AHCY: variants seen among roughly 807,000 people sequenced by gnomAD.
AHCY encodes adenosylhomocysteinase, also known as S-adenosyl-L-homocysteine hydrolase.
In AHCY, 24 loss-of-function variants were observed where a neutral mutation model predicts 45.4. That is an observed-to-expected ratio of 0.53 (90% confidence interval 0.38 to 0.74). AHCY has a LOEUF of 0.74. AHCY is among the 30% of genes least tolerant of loss of function. The probability of loss-of-function intolerance (pLI) is 0.00; values close to 1 mark genes in which losing one functional copy is unlikely to be tolerated. For synonymous variants in AHCY, 245 were observed against 235.1 expected (o/e 1.04, Z -0.39); for missense variants, 449 against 594.1 (o/e 0.76, Z 2.54).
rs1293094100 is a variant in AHCY at position 34,290,879 on chromosome 20, G to T, written c.618C>A (p.Ala206=). 6.2e-7 allele frequency: 1 copy of T among 1,614,104 alleles called. No homozygotes were observed. Among genetic ancestry groups the T allele is most frequent in the Admixed American group, 1.7e-5 (1 of 60,014 alleles). ...RESLIDGIKR[A]TDVMIAGKVA... is the part of the protein sequence containing the mutation. ...CCTTGCCGGCAATCATCACATCTGT[G>T]GCCCGCTTGATGCCATCTATGAGGG... The change falls in exon 6 of 10, where the codon GCC becomes GCA. Residue 206 remains alanine, a synonymous_variant. Transcript: ENST00000217426. The surrounding 1 kb of genome is among the most constrained non-coding windows in gnomAD (Gnocchi z 4.5).
chr20:34,297,674 C>T (rs761795695), intron 1 of AHCY, among the ~76,000 whole-genome samples: 44 of 152,226 alleles, frequency 2.9e-4, no homozygotes, highest in South Asian at 1.2e-3. Context: ...AGTAAATTTA[C>T]TCCCATTTTC....
the AHCY span, among the ~76,000 whole-genome samples, chr20:34,269,946 TAAAAAAAAAAAAAAAA>T: frequency 7.4e-4 from 44 of 59,240 alleles, no homozygotes; most frequent in African/African-American, 2.3e-3. Flanking sequence ...AACTCTGTCT[TAAAAAAAAAAAAAAAA>T]AAAAAAAAAA....
intron 2 of AHCY, among the ~76,000 whole-genome samples, chr20:34,294,470 A>T (rs2036506900): frequency 6.6e-6 from 1 of 152,208 alleles, no homozygotes; most frequent in Admixed American, 6.5e-5. Context: ...AGATGATGAG[A>T]AGTTGTCACA....
Position 34,303,302 on chromosome 20 carries a change from G to A in AHCY, c.-32C>T, listed in dbSNP as rs1310065792. On this transcript the variant is annotated 5_prime_UTR_variant, in exon 1 of 10. Coordinates refer to ENST00000217426, the MANE Select transcript of AHCY (RefSeq NM_000687.4). ...GGCACTCGTGATGGAAACGGGCGAA[G>A]GGGGCTGGGCCTCAGTCTGGGAACA... 3 of 1,551,722 alleles carry A rather than the reference G, an allele frequency of 1.9e-6. No homozygotes were observed. The highest frequency in any genetic ancestry group is 2.0e-5 in the Admixed American group (1 of 51,020).
the AHCY span, among the ~76,000 whole-genome samples, chr20:34,264,585 T>G: frequency 6.6e-6 from 1 of 152,190 alleles, no homozygotes. Context: ...ATTACTTGAT[T>G]GATACTATAG....
rs549354942 is a variant in AHCY at position 34,285,048 on chromosome 20, T to C, written c.1167+392A>G. On this transcript the variant is annotated intron_variant, in intron 9 of 9. Transcript: ENST00000217426. ...TAGCCCCTGTGGGTGTGTGGGTTCA[T>C]GATCTCAGGAAATCCTCACAATCCT... 4.0e-4 allele frequency among the ~76,000 whole-genome samples: 61 copies of C among 152,294 alleles called. No homozygotes were observed. In the South Asian group the frequency reaches 9.1e-3, roughly 23 times the overall value.
At chr20:34,236,094 GAAGGAGAA>G in the AHCY span, among the ~76,000 whole-genome samples, 1 of 149,730 alleles carries the variant, frequency 6.7e-6, no homozygotes, top group African/African-American at 2.5e-5. Flanking sequence ...AGGAAGGAAG[GAAGGAGAA>G]AGAAAGGAAA....
the AHCY span, among the ~76,000 whole-genome samples, chr20:34,270,108 C>T: frequency 2.7e-5 from 4 of 150,534 alleles, no homozygotes; most frequent in African/African-American, 7.3e-5. Context: ...AAAAATTAGC[C>T]GGGTGTGGTG....
At chr20:34,295,607 A>C in intron 1 of AHCY, 22 bp from the exon 2 acceptor site, 1 of 1,611,030 alleles carries the variant, frequency 6.2e-7, no homozygotes, top group Non-Finnish European at 8.5e-7. Context: ...AACAGGTGGG[A>C]GTTCCGTGAG....
intron 1 of AHCY, among the ~76,000 whole-genome samples, chr20:34,310,727 T>C (rs181193940): frequency 3.9e-4 from 59 of 152,228 alleles, no homozygotes; most frequent in Non-Finnish European, 7.5e-4. Context: ...TCTAACAATA[T>C]AGAATGATCT....
chr20:34,262,718 T>G, the AHCY span: 19 of 1,171,994 alleles, frequency 1.6e-5, no homozygotes, highest in East Asian at 2.4e-4. Flanking sequence ...CCAGCACGCT[T>G]CTTCTCCTCT....
intron 4 of AHCY, 108 bp from the exon 5 acceptor site, chr20:34,291,639 G>A (rs914234954): frequency 2.2e-5 from 23 of 1,026,324 alleles, no homozygotes; most frequent in Admixed American, 3.9e-5. Context: ...TCCCATCTCT[G>A]TGACTGATCC....
chr20:34,277,952 G>A (rs767013369), downstream of AHCY, among the ~76,000 whole-genome samples: 2 of 152,034 alleles, frequency 1.3e-5, no homozygotes, highest in Non-Finnish European at 1.5e-5. Context: ...CCAACCACAG[G>A]CCTCATCTTC....
chr20:34,291,390 G>A (rs1601659902), intron 5 of AHCY, 29 bp downstream of exon 5: 1 of 1,586,380 alleles, frequency 6.3e-7, no homozygotes, highest in East Asian at 2.2e-5. Context: ...AGCCACTGTA[G>A]CGGGAGCTGT....
chr20:34,301,298 C>A (rs1307284049), intron 1 of AHCY, among the ~76,000 whole-genome samples: 1 of 151,724 alleles, frequency 6.6e-6, no homozygotes, highest in Non-Finnish European at 1.5e-5. Flanking sequence ...CCTCCACCAC[C>A]ACATGTCCCT....
chr20:34,262,781 C>T, the AHCY span: 1 of 1,607,332 alleles, frequency 6.2e-7, no homozygotes, highest in Admixed American at 1.7e-5. Flanking sequence ...TTCACTGCAG[C>T]TCAACGTCCC....
At chr20:34,259,237 A>G in the AHCY span, among the ~76,000 whole-genome samples, 22 of 151,368 alleles carry the variant, frequency 1.5e-4, no homozygotes, top group East Asian at 2.9e-3. Flanking sequence ...GAAAAAAACT[A>G]TATGAGCTTG....
chr20:34,285,628 G>A lies in AHCY; in HGVS notation c.979C>T (p.Arg327Trp), dbSNP rs144383493. Reference protein sequence around the residue: ...EKVNIKPQVDRYRLKNGRRII... With the variant: ...EKVNIKPQVDWYRLKNGRRII... ...CGGCGCCCATTCTTCAACCGATACCGGTCCACCTACACGCAGGCAGGGCAA... is the reference window on the plus strand; with the variant it reads ...CGGCGCCCATTCTTCAACCGATACCAGTCCACCTACACGCAGGCAGGGCAA... The change falls in exon 9 of 10, where the codon CGG becomes TGG. Residue 327 changes from arginine (R) to tryptophan (W), a missense_variant. By Grantham distance (101) the Arg-to-Trp change is moderately radical (BLOSUM62 -3). Transcript: ENST00000217426. 204 of 1,613,046 alleles carry A rather than the reference G, an allele frequency of 1.3e-4. 1 individual carries two copies. Among genetic ancestry groups the A allele is most frequent in the Middle Eastern group, 1.6e-4 (1 of 6,084 alleles).
chr20:34,281,475 G>A (rs2035999411), intron 9 of AHCY, among the ~76,000 whole-genome samples: 1 of 152,190 alleles, frequency 6.6e-6, no homozygotes, highest in African/African-American at 2.4e-5. Flanking sequence ...TCTATGCACA[G>A]GACATATTTT....
Sources: gnomAD v4.1 joint callset for allele counts (sites outside exome capture counted in the v4.1 genomes callset) on GRCh38, gnomAD v4.1.1 for gene constraint, Gnocchi (gnomAD v3.1) non-coding constraint, MANE v1.5 for transcripts, NCBI Gene and HGNC (gene_info 2026-07-23, HGNC 2026-07-21) for gene names.